STX8: variants seen among roughly 807,000 people sequenced by gnomAD.
STX8 encodes the protein syntaxin-8.
In STX8, 23 loss-of-function variants were observed where a neutral mutation model predicts 37.5. The ratio of observed to expected loss-of-function variants is 0.61; its 90% CI spans 0.44 to 0.87. STX8 has a LOEUF of 0.87. Among genes scored for constraint, STX8 ranks in the 40% least tolerant of loss-of-function variants. The probability of loss-of-function intolerance (pLI) is 0.00; values close to 1 mark genes in which losing one functional copy is unlikely to be tolerated. For synonymous variants in STX8, 115 were observed against 99.1 expected, an observed-to-expected ratio of 1.16 and a Z score of -0.95; for missense variants, 313 against 284.7, an observed-to-expected ratio of 1.10 and a Z score of -0.71.
At chr17:9,260,817 G>A (rs1007147868) in intron 7 of STX8, among the ~76,000 whole-genome samples, 1 of 152,212 alleles carries the variant, frequency 6.6e-6, no homozygotes, top group African/African-American at 2.4e-5. Flanking sequence ...CCCCTACCTG[G>A]AGAGAATTCA....
At position 9,430,107 on chromosome 17, in the gene STX8, T is replaced by C. The variant is rs1294903594; in HGVS notation, c.542-51454A>G. On this transcript the variant is annotated intron_variant, in intron 6 of 7. Transcript: ENST00000306357. ...ATATATTCTATATAATATATATATT[T>C]TATATATAAATAAATATAAATATAA... 9.5e-4 allele frequency among the ~76,000 whole-genome samples: 81 copies of C among 85,506 alleles called. 1 individual carries two copies. The highest frequency in any genetic ancestry group is 3.6e-3 in the African/African-American group (66 of 18,094). The allele number at this position is 85,506 out of a possible 152,430, so 56.1% of individuals were successfully genotyped here.
In STX8 at chr17:9,566,286, C is replaced by A. The variant is rs116550966; in HGVS notation, c.117+2085G>T. On this transcript the variant is annotated intron_variant, in intron 2 of 7. Coordinates refer to ENST00000306357, the MANE Select transcript of STX8 (RefSeq NM_004853.3). ...CTCACACCACTCAGCATGGTTATTA[C>A]TAAAAAGTCAAAAAATAACAGATGC... Among the ~76,000 whole-genome samples, 861 of 152,274 alleles carry A rather than the reference C, an allele frequency of 5.7e-3. 8 individuals carry two copies. The highest frequency in any genetic ancestry group is 0.02 in the African/African-American group (820 of 41,554).
At chr17:9,467,935 C>A (rs1905686286) in intron 6 of STX8, among the ~76,000 whole-genome samples, 1 of 152,134 alleles carries the variant, frequency 6.6e-6, no homozygotes. Context: ...TTCAAACAAG[C>A]TGTAACTGAG....
intron 4 of STX8, among the ~76,000 whole-genome samples, chr17:9,544,701 A>C (rs1906425296): frequency 6.6e-6 from 1 of 152,070 alleles, no homozygotes; most frequent in Non-Finnish European, 1.5e-5. Context: ...CCAGAAAATT[A>C]ACGAAAACTG....
At chr17:9,359,815 G>A (rs1188010216) in intron 7 of STX8, among the ~76,000 whole-genome samples, 1 of 151,946 alleles carries the variant, frequency 6.6e-6, no homozygotes, top group African/African-American at 2.4e-5. Flanking sequence ...GACTGTGATA[G>A]GAGTTTTAAT....
chr17:9,437,576 T>C (rs1029706858), intron 6 of STX8, among the ~76,000 whole-genome samples: 3 of 152,226 alleles, frequency 2.0e-5, no homozygotes, highest in Non-Finnish European at 2.9e-5. Context: ...CAGCTACACA[T>C]TTACTCTTTA....
intron 6 of STX8, chr17:9,452,231 A>G (rs1905064860): frequency 1.3e-5 from 2 of 152,050 alleles, no homozygotes; most frequent in Non-Finnish European, 2.9e-5. Flanking sequence ...TCTCTTATCT[A>G]AAAATACCTG....
chr17:9,421,114 T>A (rs1913409691), intron 6 of STX8, among the ~76,000 whole-genome samples: 1 of 152,106 alleles, frequency 6.6e-6, no homozygotes. Context: ...TTTTTTTGGC[T>A]GGGCACTGTG....
At chr17:9,500,147 C>T (rs976741712) in intron 5 of STX8, among the ~76,000 whole-genome samples, 6 of 152,048 alleles carry the variant, frequency 3.9e-5, no homozygotes, top group Admixed American at 1.3e-4. Flanking sequence ...AAGAGAGTCA[C>T]GGTGTTTCAC....
intron 7 of STX8, among the ~76,000 whole-genome samples, chr17:9,262,176 C>A (rs1029914120): frequency 6.6e-6 from 1 of 152,316 alleles, no homozygotes; most frequent in African/African-American, 2.4e-5. Context: ...TTGACCAACA[C>A]GCAAAAGACT....
intron 7 of STX8, among the ~76,000 whole-genome samples, chr17:9,257,074 C>T (rs868139844): frequency 9.2e-5 from 14 of 152,178 alleles, no homozygotes; most frequent in Non-Finnish European, 1.5e-4. Context: ...CCCGCTGGCA[C>T]CTGGCGAGGC....
At chr17:9,293,236 T>C (rs969084647) in intron 7 of STX8, among the ~76,000 whole-genome samples, 2 of 152,156 alleles carry the variant, frequency 1.3e-5, no homozygotes, top group Admixed American at 6.5e-5. Context: ...CTCCCAATGT[T>C]GGGTAGATCC....
At chr17:9,473,125 C>G (rs1013607870) in intron 6 of STX8, among the ~76,000 whole-genome samples, 1 of 151,830 alleles carries the variant, frequency 6.6e-6, no homozygotes, top group Non-Finnish European at 1.5e-5. Context: ...TCACTGCAAC[C>G]TCTGCCTCAG....
intron 7 of STX8, among the ~76,000 whole-genome samples, chr17:9,368,418 G>A (rs1911299794): frequency 6.6e-6 from 1 of 152,030 alleles, no homozygotes; most frequent in African/African-American, 2.4e-5. Context: ...GCAGGAGAAT[G>A]GCATGAACCC....
At chr17:9,314,505 C>CAA (rs1909312945) in intron 7 of STX8, among the ~76,000 whole-genome samples, 1 of 151,878 alleles carries the variant, frequency 6.6e-6, no homozygotes, top group African/African-American at 2.4e-5. Context: ...TCATACCATT[C>CAA]TTCTGCCTCA....
At chr17:9,300,796 TATTAGTTATGAG>T (rs1365422192) in intron 7 of STX8, among the ~76,000 whole-genome samples, 1 of 151,702 alleles carries the variant, frequency 6.6e-6, no homozygotes, top group Non-Finnish European at 1.5e-5. Flanking sequence ...TAATGATATG[TATTAGTTATGAG>T]ATGGGACATT....
chr17:9,406,377 A>G (rs1912804147), intron 6 of STX8, among the ~76,000 whole-genome samples: 1 of 152,188 alleles, frequency 6.6e-6, no homozygotes, highest in African/African-American at 2.4e-5. Context: ...TGGAGCGATA[A>G]CTGCTCAGGC....
At chr17:9,354,472 C>A (rs1910810553) in intron 7 of STX8, among the ~76,000 whole-genome samples, 1 of 151,918 alleles carries the variant, frequency 6.6e-6, no homozygotes, top group South Asian at 2.1e-4. Flanking sequence ...CAGGCCCGTG[C>A]CAACATGCCT....
intron 7 of STX8, among the ~76,000 whole-genome samples, chr17:9,306,907 T>C (rs1426271104): frequency 6.6e-6 from 1 of 151,834 alleles, no homozygotes; most frequent in Non-Finnish European, 1.5e-5. Flanking sequence ...GGGAGGATCA[T>C]GAGGTCAGCA....
Sources: gnomAD v4.1 joint callset for allele counts (sites outside exome capture counted in the v4.1 genomes callset) on GRCh38, gnomAD v4.1.1 for gene constraint, MANE v1.5 for transcripts, NCBI Gene and HGNC (gene_info 2026-07-23, HGNC 2026-07-21) for gene names.